MED1: variants seen among roughly 807,000 people sequenced by gnomAD.
MED1 encodes mediator of RNA polymerase II transcription subunit 1.
In MED1, 17 loss-of-function variants were observed where a neutral mutation model predicts 121.3. That is an observed-to-expected ratio of 0.14 (90% CI 0.10 to 0.21). MED1 has a LOEUF of 0.21. Among genes scored for constraint, MED1 ranks in the 10% least tolerant of loss-of-function variants. The pLI is 1.00. For missense variants in MED1, 1,558 were observed against 1,919.4 expected, an observed-to-expected ratio of 0.81 and a Z score of 3.52; for synonymous variants, 661 against 694.4, an observed-to-expected ratio of 0.95 and a Z score of 0.76.
chr17:39,444,891 A>T (rs2144773229), intron 2 of MED1, among the ~76,000 whole-genome samples: 1 of 149,020 alleles, frequency 6.7e-6, no homozygotes, highest in East Asian at 2.0e-4. Context: ...ACAAACAAAC[A>T]AACAAAAAAA....
intron 1 of MED1, 28 bp from the exon 2 acceptor site, chr17:39,447,932 A>G (rs1002499261): frequency 6.8e-7 from 1 of 1,466,734 alleles, no homozygotes. Context: ...AAACGTTATC[A>G]GTAACTGTTC....
At chr17:39,424,579 G>T in intron 11 of MED1, 48 bp downstream of exon 11, 2 of 1,254,174 alleles carry the variant, frequency 1.6e-6, no homozygotes, top group Non-Finnish European at 2.3e-6. Flanking sequence ...TACATACTGC[G>T]CTTTGAGAAA....
At chr17:39,443,443 C>A in intron 3 of MED1, 107 bp downstream of exon 3, 1 of 838,066 alleles carries the variant, frequency 1.2e-6, no homozygotes, top group Non-Finnish European at 2.0e-6. Context: ...ATATCTAATA[C>A]ATAAAGTTGA....
At position 39,418,085 on chromosome 17, in the gene MED1, C is replaced by CAAAAAAAAAAA. The variant is rs760116991; in HGVS notation, c.1297+1621_1297+1631dup. ...TGGGGAACAGAGTGAGACTCCGTCT[C>CAAAAAAAAAAA]AAAAAAAAAAAAAAAAAAAAAAAAA... On this transcript the variant is annotated intron_variant, in intron 14 of 16. Transcript: ENST00000300651. Among the ~76,000 whole-genome samples, 2 of 55,648 alleles carry CAAAAAAAAAAA rather than the reference C, an allele frequency of 3.6e-5. 1 individual carries two copies. The highest frequency in any genetic ancestry group is 6.2e-5 in the Non-Finnish European group (2 of 32,478). 36.5% of individuals were successfully genotyped at this position (55,648 alleles called of 152,430 possible). A position where few individuals can be genotyped will look rare whatever the true frequency, so the allele number is the denominator to read the frequency against.
chr17:39,418,085 C>CAAA (rs760116991), intron 14 of MED1, among the ~76,000 whole-genome samples: 21,747 of 55,530 alleles, frequency 0.39, 5,871 homozygotes, highest in South Asian at 0.66. Flanking sequence ...GACTCCGTCT[C>CAAA]AAAAAAAAAA....
Position 39,429,702 on chromosome 17 carries a change from TAAAAAAAAAAAAA to T in MED1, c.649+1400_649+1412del, listed in dbSNP as rs757034804. 1.2e-4 allele frequency among the ~76,000 whole-genome samples: 6 copies of T among 48,966 alleles called. No individual in the cohort carries two copies. In the South Asian group the frequency reaches 6.3e-3, roughly 51 times the overall value. 32.1% of individuals were successfully genotyped at this position (48,966 alleles called of 152,430 possible). Reference sequence around the variant, plus strand: ...CAGAGCAAGACTCTGCCTAAATGCCTAAAAAAAAAAAAAAAAAAAAAAAAAGGAAGAAATCATC... The same window carrying T: ...CAGAGCAAGACTCTGCCTAAATGCCTAAAAAAAAAAAAGGAAGAAATCATC... On this transcript the variant is annotated intron_variant, in intron 9 of 16. Transcript: ENST00000300651.
intron 16 of MED1, among the ~76,000 whole-genome samples, chr17:39,412,218 A>AT (rs1227186097): frequency 3.5e-5 from 5 of 143,476 alleles, no homozygotes; most frequent in Admixed American, 6.9e-5. Context: ...ATGTCAGCAA[A>AT]TTTTTTTTTC....
At position 39,409,296 on chromosome 17, in the gene MED1, G is replaced by A; in HGVS notation, c.2925C>T (p.Gly975=). 6.2e-7 allele frequency: 1 copy of A among 1,614,010 alleles called. No individual in the cohort carries two copies. The highest frequency in any genetic ancestry group is 1.3e-5 in the African/African-American group (1 of 74,986). The change falls in exon 17 of 17, where the codon GGC becomes GGT. Residue 975 remains glycine, a synonymous_variant. Coordinates refer to ENST00000300651, the MANE Select transcript of MED1 (RefSeq NM_004774.4). ...AGAGAGTACTATTACTGGTGCCATT[G>A]CCTTCCTTTACCCTCTTTTGAGTCT... The part of the protein sequence containing the change: ...KEKTQKRVKE[G]NGTSNSTLSG...
chr17:39,435,543 C>A (rs78238593), intron 6 of MED1, among the ~76,000 whole-genome samples: 2,916 of 152,110 alleles, frequency 0.019, 97 homozygotes, highest in African/African-American at 0.067. Flanking sequence ...GACACTTGAG[C>A]AGACATTCTG....
chr17:39,407,784 A>C lies in MED1; in HGVS notation c.4437T>G (p.Ser1479Arg). Reference sequence around the variant, plus strand: ...GTCGGATACCATCGTCTGAGCTGGGACTATTCTGATAAGATTTCTCTGCTA... The same window carrying C: ...GTCGGATACCATCGTCTGAGCTGGGCCTATTCTGATAAGATTTCTCTGCTA... Reference protein sequence around the residue: ...SSIAEKSYQNSPSSDDGIRPL... With the variant: ...SSIAEKSYQNRPSSDDGIRPL... Residue 1479 changes from serine to arginine, a missense_variant, in exon 17 of 17, where the codon AGT becomes AGG. Coordinates refer to ENST00000300651, the MANE Select transcript of MED1 (RefSeq NM_004774.4). The C allele has an allele frequency of 6.2e-7, 1 of 1,613,890 alleles. No homozygotes were observed. Among genetic ancestry groups the C allele is most frequent in the Non-Finnish European group, 8.5e-7 (1 of 1,179,974 alleles).
chr17:39,438,337 A>ATT (rs1185343270), intron 6 of MED1, among the ~76,000 whole-genome samples: 59 of 58,924 alleles, frequency 1.0e-3, no homozygotes, highest in Admixed American at 2.0e-3. Context: ...TGCCTGGCTA[A>ATT]TTTTTTTTTT....
intron 16 of MED1, 72 bp downstream of exon 16, chr17:39,414,954 C>T (rs958157194): frequency 2.9e-6 from 4 of 1,363,296 alleles, no homozygotes; most frequent in Non-Finnish European, 3.1e-6. Flanking sequence ...AGGCGTGAGC[C>T]ACCGCGCCCT....
Position 39,427,686 on chromosome 17 carries a change from C to T in MED1, c.739+15G>A. ...CCGAACAAAACCTTTAATTCCTTTACAATTAAAGTCTTACCATTATTCTCA... is the reference window on the plus strand; with the variant it reads ...CCGAACAAAACCTTTAATTCCTTTATAATTAAAGTCTTACCATTATTCTCA... On this transcript the variant is annotated intron_variant, in intron 10 of 16. Transcript: ENST00000300651. 6.5e-7 allele frequency: 1 copy of T among 1,543,616 alleles called. No homozygotes were observed. The highest frequency in any genetic ancestry group is 8.9e-7 in the Non-Finnish European group (1 of 1,122,348).
In MED1 at chr17:39,410,172, C is replaced by T; in HGVS notation, c.2049G>A (p.Gly683=). The T allele has an allele frequency of 6.2e-7, 1 of 1,614,074 alleles. No homozygotes were observed. Among genetic ancestry groups the T allele is most frequent in the Non-Finnish European group, 8.5e-7 (1 of 1,180,024 alleles). ...ACTTCTTTTTCTTGGTCTTGTTGCT[C>T]CCCGAGCATATTTCCATGCGGGGTG... The part of the protein sequence containing the change: ...SGSPRMEICS[G]SNKTKKKKSS... The change falls in exon 17 of 17, where the codon GGG becomes GGA. Residue 683 remains glycine, a synonymous_variant. Transcript: ENST00000300651.
At position 39,434,254 on chromosome 17, in the gene MED1, C is replaced by T. The variant is rs2144756186; in HGVS notation, c.495G>A (p.Gly165=). 6.5e-7 allele frequency: 1 copy of T among 1,545,502 alleles called. No homozygotes were observed. Among genetic ancestry groups the T allele is most frequent in the East Asian group, 2.4e-5 (1 of 41,810 alleles). The change falls in exon 7 of 17, where the codon GGG becomes GGA. Residue 165 remains glycine (G), a synonymous_variant. Transcript: ENST00000300651. ...KGLVNLYNLP[G]DNKLKTKMYL... ...AAAATATTAAAAATACTTACTTGTCCCCTGGAAGGTTATACAGATTAACAA... is the reference window on the plus strand; with the variant it reads ...AAAATATTAAAAATACTTACTTGTCTCCTGGAAGGTTATACAGATTAACAA...
Position 39,405,336 on chromosome 17 carries a change from G to A in MED1, c.*2139C>T. On this transcript the variant is annotated 3_prime_UTR_variant, in exon 17 of 17. Coordinates refer to ENST00000300651, the MANE Select transcript of MED1 (RefSeq NM_004774.4). The stretch of plus-strand genomic sequence containing the variant: ...GGGATGAAGACAGAAAGAGAGAAAA[G>A]CTTCCCAGTTTACTCATTTTGGTAT... 1 of 1,595,820 alleles carries A rather than the reference G, an allele frequency of 6.3e-7. No individual in the cohort carries two copies. Among genetic ancestry groups the A allele is most frequent in the Non-Finnish European group, 8.5e-7 (1 of 1,171,272 alleles).
At chr17:39,448,738 C>T (rs1269861519) in intron 1 of MED1, among the ~76,000 whole-genome samples, 4 of 151,794 alleles carry the variant, frequency 2.6e-5, no homozygotes, top group African/African-American at 9.7e-5. Flanking sequence ...GGAGAAACCC[C>T]ATCTCTACTA....
At chr17:39,415,407 C>T in intron 14 of MED1, 68 bp from the exon 15 acceptor site, 4 of 1,373,568 alleles carry the variant, frequency 2.9e-6, no homozygotes, top group Non-Finnish European at 4.0e-6. Context: ...GGCACGGTGG[C>T]TCACGCCTGT....
intron 7 of MED1, among the ~76,000 whole-genome samples, chr17:39,433,712 C>T (rs893280064): frequency 6.6e-6 from 1 of 151,942 alleles, no homozygotes; most frequent in East Asian, 1.9e-4. Flanking sequence ...CATCACCACC[C>T]ATCTAAGCTG....
Sources: gnomAD v4.1 joint callset for allele counts (sites outside exome capture counted in the v4.1 genomes callset) on GRCh38, gnomAD v4.1.1 for gene constraint, MANE v1.5 for transcripts, NCBI Gene and HGNC (gene_info 2026-07-23, HGNC 2026-07-21) for gene names.